DNAH3: variants seen among roughly 807,000 people sequenced by gnomAD.
DNAH3 encodes axonemal beta dynein heavy chain 3.
Under a neutral mutation model 432.5 loss-of-function variants are expected in DNAH3, and 332 were observed. The observed-to-expected ratio is 0.77, with a 90% confidence interval of 0.70 to 0.84. The LOEUF is 0.84. DNAH3 is among the 40% of genes least tolerant of loss of function. DNAH3 has a pLI of 0.00. For synonymous variants in DNAH3, 1,956 were observed against 1,900.2 expected (o/e 1.03, Z -0.76); for missense variants, 4,861 against 5,114.0 (o/e 0.95, Z 1.51).
chr16:21,002,288 A>C (rs762034611), intron 42 of DNAH3, among the ~76,000 whole-genome samples: 4 of 152,192 alleles, frequency 2.6e-5, no homozygotes, highest in African/African-American at 4.8e-5. Flanking sequence ...GATTGAAAAG[A>C]GCAGGAGTTG....
At chr16:21,011,885 CA>C (rs1329227016) in intron 41 of DNAH3, among the ~76,000 whole-genome samples, 2 of 152,150 alleles carry the variant, frequency 1.3e-5, no homozygotes, top group Admixed American at 1.3e-4. Flanking sequence ...ACATTTCCTA[CA>C]TACCATGCTT....
chr16:20,970,978 G>A (rs188842941), intron 51 of DNAH3, among the ~76,000 whole-genome samples: 19 of 148,800 alleles, frequency 1.3e-4, no homozygotes, highest in Admixed American at 8.2e-4. Context: ...AGTGATTCTC[G>A]CACTTCAGGC....
At chr16:21,036,240 C>T (rs1254152907) in intron 35 of DNAH3, among the ~76,000 whole-genome samples, 1 of 152,022 alleles carries the variant, frequency 6.6e-6, no homozygotes, top group Non-Finnish European at 1.5e-5. Flanking sequence ...GCAGGAGAAT[C>T]GCTGGAACCT....
chr16:21,079,417 A>C (rs1348125581), intron 20 of DNAH3, among the ~76,000 whole-genome samples: 1 of 152,182 alleles, frequency 6.6e-6, no homozygotes, highest in African/African-American at 2.4e-5. Context: ...TGAGGTCAGG[A>C]GTTCGAGACC....
intron 51 of DNAH3, among the ~76,000 whole-genome samples, chr16:20,974,014 T>C (rs374923016): frequency 5.3e-4 from 81 of 152,030 alleles, no homozygotes; most frequent in African/African-American, 1.9e-3. Context: ...TCAAAACATA[T>C]TGGGTCTTTT....
chr16:21,041,485 C>G (rs1224181930), intron 32 of DNAH3, among the ~76,000 whole-genome samples: 2 of 152,138 alleles, frequency 1.3e-5, no homozygotes, highest in Non-Finnish European at 2.9e-5. Flanking sequence ...TTTCTCTTCT[C>G]AGAGAGAAGT....
intron 41 of DNAH3, among the ~76,000 whole-genome samples, chr16:21,013,678 C>T (rs1271887759): frequency 7.6e-6 from 1 of 131,354 alleles, no homozygotes; most frequent in Non-Finnish European, 1.5e-5. Flanking sequence ...AAGATCGTGC[C>T]ATTGCACTCC....
intron 42 of DNAH3, among the ~76,000 whole-genome samples, chr16:21,002,097 T>C (rs1239807896): frequency 1.3e-5 from 2 of 152,152 alleles, no homozygotes; most frequent in Non-Finnish European, 2.9e-5. Flanking sequence ...TGACACATCC[T>C]TACACATACA....
rs150168734 is a variant in DNAH3, at chr16:21,145,499, G to C, written c.223-93C>G. ...ACACTGAGGCTCACAAGAGTTCCAA[G>C]TGCCTTATGCTATGTTTCTGCCTTC... is the stretch of plus-strand genomic sequence containing the variant. On this transcript the variant is annotated intron_variant, in intron 2 of 61. Transcript: ENST00000261383. The C allele has an allele frequency of 7.5e-5, 83 of 1,104,268 alleles. No homozygotes were observed. The African/African-American group carries it at 1.2e-3, about 16-fold the overall frequency. The allele number at this position is 1,104,268 out of a possible 1,614,324, so 68.4% of individuals were successfully genotyped here.
intron 15 of DNAH3, 101 bp from the exon 16 acceptor site, chr16:21,104,695 G>A: frequency 1.5e-6 from 1 of 686,804 alleles, no homozygotes; most frequent in East Asian, 2.7e-5. Context: ...CAGGAGTGGT[G>A]TGGGGGTGGC....
At chr16:21,085,527 C>CA (rs34136946) in intron 19 of DNAH3, among the ~76,000 whole-genome samples, 1,519 of 81,172 alleles carry the variant, frequency 0.019, 29 homozygotes, top group African/African-American at 0.051. Flanking sequence ...GATTCCACCT[C>CA]AAAAAAAAAA....
In DNAH3 at chr16:20,969,384, CTCTG is replaced by C. The variant is rs571841957; in HGVS notation, c.8458+404_8458+407del. ...TCTTTCTCTCTGTTCCTTTCTTTGT[CTCTG>C]TCTCATTCTTTTGCTTTCCCTAACT... On this transcript the variant is annotated intron_variant, in intron 52 of 61. Transcript: ENST00000261383. Among the ~76,000 whole-genome samples the C allele has an allele frequency of 2.0e-3, 298 of 152,176 alleles. 1 individual carries two copies. The highest frequency in any genetic ancestry group is 6.6e-3 in the African/African-American group (274 of 41,532).
intron 20 of DNAH3, 45 bp from the exon 21 acceptor site, chr16:21,075,606 A>C: frequency 1.4e-6 from 2 of 1,452,530 alleles, no homozygotes; most frequent in South Asian, 1.1e-5. Flanking sequence ...GGAGGCAGAG[A>C]AGACACATCA....
chr16:21,152,851 C>G (rs1225135808), intron 1 of DNAH3, among the ~76,000 whole-genome samples: 1 of 152,278 alleles, frequency 6.6e-6, no homozygotes, highest in East Asian at 1.9e-4. Context: ...GGGCTCGGGA[C>G]TTGCAGCCCG....
At chr16:21,131,810 C>A (rs1275267907) in intron 7 of DNAH3, among the ~76,000 whole-genome samples, 3 of 142,554 alleles carry the variant, frequency 2.1e-5, no homozygotes, top group Non-Finnish European at 3.0e-5. Context: ...GCCAAGATCG[C>A]GCCATTGCAC....
chr16:20,962,316 G>C (rs1209389450), intron 53 of DNAH3, among the ~76,000 whole-genome samples: 1 of 152,148 alleles, frequency 6.6e-6, no homozygotes, highest in African/African-American at 2.4e-5. Context: ...TACTGGAAAG[G>C]CTTCATAAAA....
intron 50 of DNAH3, 32 bp from the exon 51 acceptor site, chr16:20,975,447 G>C: frequency 6.3e-7 from 1 of 1,599,122 alleles, no homozygotes; most frequent in Non-Finnish European, 8.5e-7. Context: ...GAAATCCAGG[G>C]TCAGCACTGA....
chr16:21,028,201 A>C (rs1409022625), intron 37 of DNAH3, among the ~76,000 whole-genome samples: 2 of 151,732 alleles, frequency 1.3e-5, no homozygotes, highest in Non-Finnish European at 2.9e-5. Context: ...ATGTTTCCAT[A>C]ATATATTTTT....
At chr16:21,114,470 C>A (rs2092140570) in intron 12 of DNAH3, among the ~76,000 whole-genome samples, 1 of 152,080 alleles carries the variant, frequency 6.6e-6, no homozygotes. Context: ...GACTCAGTGG[C>A]ATGCTTCCAA....
Sources: allele counts gnomAD v4.1 joint callset (sites outside exome capture counted in the v4.1 genomes callset), GRCh38; gene constraint gnomAD v4.1.1; transcripts MANE v1.5; gene names NCBI Gene and HGNC (gene_info 2026-07-23, HGNC 2026-07-21).